KNDC1: variants seen among roughly 807,000 people sequenced by gnomAD.
The protein encoded by KNDC1 is kinase non-catalytic C-lobe domain containing 1, also known as kinase non-catalytic C-lobe domain-containing protein 1.
A neutral mutation model predicts 172.8 loss-of-function variants in KNDC1; 106 were observed. The observed-to-expected ratio is 0.61, with a 90% CI of 0.52 to 0.72. KNDC1 has a LOEUF of 0.72. Ranked by LOEUF, KNDC1 falls within the 30% of genes least tolerant of loss-of-function variation. KNDC1 has a pLI of 0.00. For missense variants in KNDC1, 2,325 were observed against 2,394.5 expected, an observed-to-expected ratio of 0.97 and a Z score of 0.61; for synonymous variants, 1,083 against 1,062.2, an observed-to-expected ratio of 1.02 and a Z score of -0.38.
At position 133,210,047 on chromosome 10, in the gene KNDC1, G is replaced by A. The variant is rs570675703; in HGVS notation, c.3795-564G>A. On this transcript the variant is annotated intron_variant, in intron 20 of 29. Coordinates refer to ENST00000304613, the MANE Select transcript of KNDC1 (RefSeq NM_152643.8). Reference sequence around the variant, plus strand: ...AGCTTCCCGAGCTAACGGGTCCTGCGAGTGGAGACGTCACAAAGCCCTGCA... The same window carrying A: ...AGCTTCCCGAGCTAACGGGTCCTGCAAGTGGAGACGTCACAAAGCCCTGCA... Among the ~76,000 whole-genome samples, 195 of 152,218 alleles carry A rather than the reference G, an allele frequency of 1.3e-3. 1 individual carries two copies. The highest frequency in any genetic ancestry group is 3.3e-3 in the African/African-American group (135 of 41,526).
At chr10:133,188,421 G>A (rs1370193920) in intron 6 of KNDC1, 118 bp from the exon 7 acceptor site, 1 of 637,076 alleles carries the variant, frequency 1.6e-6, no homozygotes, top group Non-Finnish European at 2.8e-6. Context: ...AGGTGTGGGG[G>A]GCGCCTACTC....
Position 133,186,269 on chromosome 10 carries a change from G to A in KNDC1, c.921G>A (p.Thr307=), listed in dbSNP as rs376720406. The part of the protein sequence containing the change: ...LRRSRLRKVQ[T]FPRLLSDSPE... ...GAAGCCGCCTGCGGAAGGTGCAGAC[G>A]TTCCCTAGGCTGCTGTCCGACAGCC... Residue 307 remains threonine (T), a synonymous_variant, in exon 6 of 30, where the codon ACG becomes ACA. Coordinates refer to ENST00000304613, the MANE Select transcript of KNDC1 (RefSeq NM_152643.8). The A allele has an allele frequency of 3.4e-5, 55 of 1,608,734 alleles. No individual in the cohort carries two copies. Among genetic ancestry groups the A allele is most frequent in the East Asian group, 3.1e-4 (14 of 44,836 alleles).
intron 1 of KNDC1, among the ~76,000 whole-genome samples, chr10:133,166,450 CGGGTGTGCAT>C (rs962570796): frequency 2.7e-5 from 4 of 146,758 alleles, no homozygotes; most frequent in African/African-American, 1.0e-4. Context: ...TGGGTGTGTG[CGGGTGTGCAT>C]GTCTGTGCGT....
chr10:133,217,885 A>G (rs1030446598), intron 26 of KNDC1, among the ~76,000 whole-genome samples: 1 of 148,410 alleles, frequency 6.7e-6, no homozygotes, highest in African/African-American at 2.5e-5. Context: ...GACCAGCCTG[A>G]CCAACATGGG....
chr10:133,206,877 T>C lies in KNDC1; in HGVS notation c.3503T>C (p.Leu1168Pro). 1 of 1,614,118 alleles carries C rather than the reference T, an allele frequency of 6.2e-7. No individual in the cohort carries two copies. Among genetic ancestry groups the C allele is most frequent in the Non-Finnish European group, 8.5e-7 (1 of 1,179,994 alleles). The change falls in exon 19 of 30, where the codon CTG becomes CCG. Residue 1168 changes from leucine (L) to proline (P), a missense_variant. By Grantham distance (98) the Leu-to-Pro change is moderately conservative (BLOSUM62 -3). Transcript: ENST00000304613. Reference sequence around the variant, plus strand: ...ACAGGTTCCGACGTCAAGACCATGCTGTCCAAGCTGAAAGGGCAGCTAGAA... The same window carrying C: ...ACAGGTTCCGACGTCAAGACCATGCCGTCCAAGCTGAAAGGGCAGCTAGAA... ...RNKGSDVKTMLSKLKGQLEEM... is the reference protein window; with the variant it reads ...RNKGSDVKTMPSKLKGQLEEM...
At chr10:133,194,072 G>A (rs1001089824) in intron 9 of KNDC1, among the ~76,000 whole-genome samples, 2 of 152,104 alleles carry the variant, frequency 1.3e-5, no homozygotes, top group Admixed American at 6.5e-5. Flanking sequence ...CAATCAACAC[G>A]GCTGGATCAA....
intron 26 of KNDC1, among the ~76,000 whole-genome samples, chr10:133,216,198 A>T (rs533779915): frequency 6.6e-6 from 1 of 152,226 alleles, no homozygotes; most frequent in Non-Finnish European, 1.5e-5. Flanking sequence ...CGTTCTGACG[A>T]TGCCTGGAGT....
At chr10:133,205,216 G>A (rs570637203) in intron 17 of KNDC1, among the ~76,000 whole-genome samples, 4 of 152,324 alleles carry the variant, frequency 2.6e-5, no homozygotes, top group Admixed American at 6.5e-5. Flanking sequence ...GTGCTCAGAC[G>A]AGGGCTGCCC....
intron 5 of KNDC1, 144 bp downstream of exon 5, chr10:133,184,133 CAT>C (rs1190320481): frequency 2.7e-5 from 13 of 489,636 alleles, no homozygotes; most frequent in East Asian, 1.6e-4. Flanking sequence ...CATGCACACA[CAT>C]GCCACACACA....
At chr10:133,193,861 G>T (rs79060879) in intron 9 of KNDC1, among the ~76,000 whole-genome samples, 1 of 152,262 alleles carries the variant, frequency 6.6e-6, no homozygotes, top group South Asian at 2.1e-4. Flanking sequence ...GGGTCAGTCC[G>T]CCCAGAAGAC....
rs374067713 is a variant in KNDC1, at chr10:133,224,996, G to A, written c.*106G>A. 3.9e-5 allele frequency: 34 copies of A among 880,790 alleles called. No individual in the cohort carries two copies. The highest frequency in any genetic ancestry group is 6.4e-5 in the South Asian group (4 of 62,340). The allele number at this position is 880,790 out of a possible 1,614,324, so 54.6% of individuals were successfully genotyped here. A position where few individuals can be genotyped will look rare whatever the true frequency, so the allele number is the denominator to read the frequency against. ...GCCCGGCCGTTATCAAGGCCCCTCC[G>A]CCCCCGAACCCTGGGGAGCTGGACC... On this transcript the variant is annotated 3_prime_UTR_variant, in exon 30 of 30. Transcript: ENST00000304613. The surrounding 1 kb of genome is among the most constrained non-coding windows in gnomAD (Gnocchi z 5.4).
In KNDC1 at chr10:133,223,228, T is replaced by C. The variant is rs77754775; in HGVS notation, c.5019-1431T>C. On this transcript the variant is annotated intron_variant, in intron 29 of 29. Coordinates refer to ENST00000304613, the MANE Select transcript of KNDC1 (RefSeq NM_152643.8). ...GCCCATCCAGGCATGCTCTTCCCGG[T>C]GTGTGTGTGTGTGAGAGCCCATCCA... Among the ~76,000 whole-genome samples the C allele has an allele frequency of 4.7e-4, 9 of 19,088 alleles. 1 individual carries two copies. The highest frequency in any genetic ancestry group is 1.2e-3 in the Admixed American group (2 of 1,682). The allele number at this position is 19,088 out of a possible 152,430, so 12.5% of individuals were successfully genotyped here.
At chr10:133,199,336 G>A (rs1021703822) in intron 14 of KNDC1, 70 bp downstream of exon 14, 63 of 1,550,546 alleles carry the variant, frequency 4.1e-5, no homozygotes, top group Non-Finnish European at 5.0e-5. Flanking sequence ...ACTCGGGGCC[G>A]CCCCACGCCC....
At chr10:133,165,640 C>T (rs1424295294) in intron 1 of KNDC1, among the ~76,000 whole-genome samples, 1 of 152,194 alleles carries the variant, frequency 6.6e-6, no homozygotes. Context: ...CATGTGTGTG[C>T]CAGTGCACGG....
At chr10:133,173,489 TA>T (rs1032776431) in intron 3 of KNDC1, among the ~76,000 whole-genome samples, 2 of 54,056 alleles carry the variant, frequency 3.7e-5, no homozygotes, top group African/African-American at 1.0e-4. Flanking sequence ...CATTTCCTTC[TA>T]ATTTTTTTTT....
In KNDC1 at chr10:133,212,790, T is replaced by C. The variant is rs1250543622; in HGVS notation, c.4311T>C (p.Ala1437=). 6.2e-7 allele frequency: 1 copy of C among 1,613,984 alleles called. No individual in the cohort carries two copies. The highest frequency in any genetic ancestry group is 1.1e-5 in the South Asian group (1 of 91,086). ...PPHKERPYTI[A]AALPKPCFLE... ...ACAAGGAGCGCCCCTACACCATTGC[T>C]GCCGCCCTGCCCAAGCCCTGCTTCC... Residue 1437 remains alanine (A), a synonymous_variant, in exon 24 of 30, where the codon GCT becomes GCC. Transcript: ENST00000304613.
intron 17 of KNDC1, chr10:133,202,396 TC>T: frequency 2.3e-6 from 1 of 431,386 alleles, no homozygotes; most frequent in Non-Finnish European, 4.7e-6. Context: ...CTGCAACTCC[TC>T]CCTGGCCAGC....
At chr10:133,174,889 G>A (rs1283305411) in intron 3 of KNDC1, among the ~76,000 whole-genome samples, 1 of 151,266 alleles carries the variant, frequency 6.6e-6, no homozygotes, top group African/African-American at 2.4e-5. Context: ...TAGATGGATG[G>A]TTAATATGTG....
At chr10:133,183,824 G>A (rs752346534) in intron 4 of KNDC1, 48 bp from the exon 5 acceptor site, 1 of 1,422,836 alleles carries the variant, frequency 7.0e-7, no homozygotes, top group Non-Finnish European at 9.6e-7. Context: ...GGCTGCGGGA[G>A]ATGGCCCCTC....
Sources: allele counts gnomAD v4.1 joint callset (sites outside exome capture counted in the v4.1 genomes callset), GRCh38; gene constraint gnomAD v4.1.1; non-coding constraint Gnocchi (gnomAD v3.1); transcripts MANE v1.5; gene names NCBI Gene and HGNC (gene_info 2026-07-23, HGNC 2026-07-21).